Variants in EXOC6B observed in about 807,000 individuals in gnomAD.
EXOC6B encodes the protein SEC15 homolog B.
In EXOC6B, 54 loss-of-function variants were observed where a neutral mutation model predicts 113.5. The observed-to-expected ratio is 0.48, with a 90% CI of 0.38 to 0.60. The LOEUF (loss-of-function observed/expected upper bound fraction) is 0.60. EXOC6B is among the 20% of genes least tolerant of loss of function. EXOC6B has a pLI of 0.00. For missense variants in EXOC6B, 797 were observed against 977.5 expected (o/e 0.82, Z 2.46); for synonymous variants, 357 against 339.0 (o/e 1.05, Z -0.58).
intron 6 of EXOC6B, among the ~76,000 whole-genome samples, chr2:72,659,563 TTTG>T (rs1053307958): frequency 1.3e-4 from 20 of 152,260 alleles, no homozygotes; most frequent in African/African-American, 3.8e-4. Flanking sequence ...CTATGAGGGT[TTTG>T]TTGTTGTTGT....
At chr2:72,248,783 T>G (rs1445782081) in intron 20 of EXOC6B, among the ~76,000 whole-genome samples, 1 of 152,160 alleles carries the variant, frequency 6.6e-6, no homozygotes, top group Non-Finnish European at 1.5e-5. Context: ...AACATTAAAA[T>G]ATATACAATA....
intron 7 of EXOC6B, among the ~76,000 whole-genome samples, chr2:72,567,557 T>A (rs1229881780): frequency 1.3e-5 from 2 of 152,076 alleles, no homozygotes; most frequent in African/African-American, 4.8e-5. Flanking sequence ...CTTAGCTCTG[T>A]CCACAAAAGG....
intron 6 of EXOC6B, among the ~76,000 whole-genome samples, chr2:72,640,878 A>G (rs1206801073): frequency 6.6e-6 from 1 of 152,178 alleles, no homozygotes; most frequent in African/African-American, 2.4e-5. Context: ...ACAAAGAAGG[A>G]CATTACATAA....
At chr2:72,408,776 T>C (rs1240024639) in intron 18 of EXOC6B, among the ~76,000 whole-genome samples, 1 of 152,070 alleles carries the variant, frequency 6.6e-6, no homozygotes, top group African/African-American at 2.4e-5. Flanking sequence ...GAAGAAAACC[T>C]AGGCAATACC....
At chr2:72,728,497 T>C (rs141833113) in intron 5 of EXOC6B, among the ~76,000 whole-genome samples, 16 of 152,332 alleles carry the variant, frequency 1.1e-4, no homozygotes, top group African/African-American at 3.8e-4. Flanking sequence ...AGGATAGTTA[T>C]AGTAATAACC....
intron 19 of EXOC6B, among the ~76,000 whole-genome samples, chr2:72,369,551 C>T (rs925291964): frequency 1.4e-4 from 21 of 152,124 alleles, no homozygotes; most frequent in African/African-American, 3.9e-4. Context: ...CCCGCATTGC[C>T]AAGTCACTCC....
rs371678641 is a variant in EXOC6B, at chr2:72,821,346, T to C, written c.113+4452A>G. On this transcript the variant is annotated intron_variant, in intron 1 of 21. Coordinates refer to ENST00000272427, the MANE Select transcript of EXOC6B (RefSeq NM_015189.3). ...AAGTGTTGACAAGGATGTGGAAAAA[T>C]TGGAACCCTGATACATTGCTACAGG... Among the ~76,000 whole-genome samples the C allele has an allele frequency of 1.2e-4, 18 of 151,900 alleles. No homozygotes were observed. In the East Asian group the frequency reaches 1.3e-3, roughly 11 times the overall value.
chr2:72,432,289 G>A (rs1297400791), intron 18 of EXOC6B, among the ~76,000 whole-genome samples: 1 of 152,086 alleles, frequency 6.6e-6, no homozygotes, highest in African/African-American at 2.4e-5. Context: ...ACCCACCTCA[G>A]CCTCCCAAGC....
chr2:72,733,827 A>G (rs1416953351), intron 2 of EXOC6B, among the ~76,000 whole-genome samples: 1 of 152,210 alleles, frequency 6.6e-6, no homozygotes, highest in Non-Finnish European at 1.5e-5. Flanking sequence ...AAGCAATACT[A>G]ACTTCTAAAA....
In EXOC6B at chr2:72,277,585, G is replaced by A. The variant is rs372189586; in HGVS notation, c.2196+57362C>T. On this transcript the variant is annotated intron_variant, in intron 20 of 21. Coordinates refer to ENST00000272427, the MANE Select transcript of EXOC6B (RefSeq NM_015189.3). ...TGGCTGACTGCAACCTTCGCCTCCT[G>A]GGTTCAAGCAATTCTTGTGCCTCAG... is the stretch of plus-strand genomic sequence containing the variant. Among the ~76,000 whole-genome samples, 297 of 151,982 alleles carry A rather than the reference G, an allele frequency of 2.0e-3. 15 individuals are homozygous for A. In the South Asian group the frequency reaches 0.059, roughly 30 times the overall value.
chr2:72,439,538 A>G (rs1377074924), intron 18 of EXOC6B, among the ~76,000 whole-genome samples: 1 of 152,064 alleles, frequency 6.6e-6, no homozygotes, highest in Non-Finnish European at 1.5e-5. Flanking sequence ...TGCATTATGA[A>G]ATTCTTATGG....
intron 6 of EXOC6B, among the ~76,000 whole-genome samples, chr2:72,616,881 A>AAGTC (rs1464390056): frequency 6.6e-6 from 1 of 152,138 alleles, no homozygotes; most frequent in African/African-American, 2.4e-5. Flanking sequence ...ATTAACTCAA[A>AAGTC]AGTCCACTGG....
At chr2:72,468,074 T>TC (rs1391229574) in intron 17 of EXOC6B, among the ~76,000 whole-genome samples, 2 of 152,178 alleles carry the variant, frequency 1.3e-5, no homozygotes, top group Non-Finnish European at 2.9e-5. Flanking sequence ...CTCTGCCTGT[T>TC]CTGCCATTTT....
chr2:72,338,805 G>T (rs1688849558), intron 19 of EXOC6B, among the ~76,000 whole-genome samples: 1 of 151,892 alleles, frequency 6.6e-6, no homozygotes, highest in Non-Finnish European at 1.5e-5. Flanking sequence ...GGCTGCTACA[G>T]ACAGGAAGGT....
At chr2:72,538,045 A>T (rs979473387) in intron 8 of EXOC6B, among the ~76,000 whole-genome samples, 1 of 151,382 alleles carries the variant, frequency 6.6e-6, no homozygotes, top group African/African-American at 2.4e-5. Flanking sequence ...GTTACCTCAA[A>T]CTCCTGGGCT....
chr2:72,571,771 T>A (rs1048561771), intron 7 of EXOC6B, among the ~76,000 whole-genome samples: 1 of 152,212 alleles, frequency 6.6e-6, no homozygotes, highest in Non-Finnish European at 1.5e-5. Flanking sequence ...CCATTTCTAG[T>A]ACAAACTTTA....
At chr2:72,771,645 C>T (rs553148441) in intron 1 of EXOC6B, among the ~76,000 whole-genome samples, 2 of 152,152 alleles carry the variant, frequency 1.3e-5, no homozygotes, top group Admixed American at 6.5e-5. Context: ...AACAAGCAGC[C>T]AAATTTATGG....
rs58303616 is a variant in EXOC6B, at chr2:72,292,172, A to AGTGTGTGTGT, written c.2196+42765_2196+42774dup. Among the ~76,000 whole-genome samples the AGTGTGTGTGT allele has an allele frequency of 1.0e-3, 143 of 139,400 alleles. 1 individual carries two copies. Among genetic ancestry groups the AGTGTGTGTGT allele is most frequent in the African/African-American group, 2.4e-3 (92 of 38,088 alleles). 91.5% of individuals were successfully genotyped at this position (139,400 alleles called of 152,430 possible). A position where few individuals can be genotyped will look rare whatever the true frequency, so the allele number is the denominator to read the frequency against. On this transcript the variant is annotated intron_variant, in intron 20 of 21. Transcript: ENST00000272427. The stretch of plus-strand genomic sequence containing the variant: ...GTGGTGGCAGGAGGATCCAGAAGTA[A>AGTGTGTGTGT]GTGTGTGTGTGTGTGTGTGTGTGTG...
chr2:72,687,685 C>A (rs1381018271), intron 6 of EXOC6B, among the ~76,000 whole-genome samples: 10 of 152,130 alleles, frequency 6.6e-5, no homozygotes, highest in African/African-American at 2.4e-4. Context: ...AGCTGAAAGT[C>A]TGCTTAAGAG....
Sources: allele counts gnomAD v4.1 joint callset (sites outside exome capture counted in the v4.1 genomes callset), GRCh38; gene constraint gnomAD v4.1.1; transcripts MANE v1.5; gene names NCBI Gene and HGNC (gene_info 2026-07-23, HGNC 2026-07-21).